Variants in CCNYL1 observed in about 807,000 individuals in gnomAD.
CCNYL1 encodes the protein cyclin Y like 1, also known as cyclin-Y-like protein 1.
CCNYL1 carries 16 observed loss-of-function variants against 44.2 expected under a neutral mutation model. The ratio of observed to expected loss-of-function variants is 0.36; its 90% confidence interval spans 0.25 to 0.55. The LOEUF (loss-of-function observed/expected upper bound fraction) is 0.55. Ranked by LOEUF, CCNYL1 falls within the 20% of genes least tolerant of loss-of-function variation. CCNYL1 has a pLI of 0.85. For synonymous variants in CCNYL1, 159 were observed against 163.2 expected (o/e 0.97, Z 0.20); for missense variants, 348 against 451.8 (o/e 0.77, Z 2.08).
chr2:207,714,927 T>G (rs2091581778), intron 1 of CCNYL1: 1 of 152,300 alleles, frequency 6.6e-6, no homozygotes, highest in African/African-American at 2.4e-5. Flanking sequence ...TATCTTTATT[T>G]CAGACAATTT....
At chr2:207,728,765 G>A (rs182061774) in intron 3 of CCNYL1, among the ~76,000 whole-genome samples, 113 of 152,214 alleles carry the variant, frequency 7.4e-4, no homozygotes, top group Non-Finnish European at 8.8e-4. Context: ...CTGAGATCCT[G>A]AAATTGCTTA....
chr2:207,719,829 A>G (rs1467788985), intron 1 of CCNYL1, among the ~76,000 whole-genome samples: 1 of 151,716 alleles, frequency 6.6e-6, no homozygotes, highest in African/African-American at 2.4e-5. Context: ...CCTGGGCTCA[A>G]GTGATCCTCT....
chr2:207,724,980 A>C lies in CCNYL1; in HGVS notation c.295+106A>C, dbSNP rs2091669207. The C allele has an allele frequency of 3.4e-6, 3 of 875,828 alleles. No individual in the cohort carries two copies. In the East Asian group the frequency reaches 8.3e-5, roughly 24 times the overall value. The allele number at this position is 875,828 out of a possible 1,614,324, so 54.3% of individuals were successfully genotyped here. ...TAGAAGAACTGATGTATTAGTTTAA[A>C]ATTTTCTTTTCATATGTTCACTGAT... On this transcript the variant is annotated intron_variant, in intron 2 of 9. Coordinates refer to ENST00000295414, the MANE Select transcript of CCNYL1 (RefSeq NM_001330218.2).
intron 1 of CCNYL1, among the ~76,000 whole-genome samples, chr2:207,716,702 A>G (rs2091598386): frequency 6.6e-6 from 1 of 152,162 alleles, no homozygotes; most frequent in African/African-American, 2.4e-5. Context: ...ATTACATTTG[A>G]TTTCAAGGGT....
At chr2:207,742,480 C>T (rs141187768) in intron 7 of CCNYL1, 138 bp downstream of exon 7, 269 of 747,952 alleles carry the variant, frequency 3.6e-4, no homozygotes, top group African/African-American at 2.7e-3. Flanking sequence ...AACATAAATA[C>T]GTACATTCGC....
intron 1 of CCNYL1, among the ~76,000 whole-genome samples, chr2:207,715,991 A>T (rs1179224944): frequency 6.6e-6 from 1 of 152,144 alleles, no homozygotes; most frequent in East Asian, 1.9e-4. Context: ...AAGCTAAGAG[A>T]TGCTCCTAAG....
At chr2:207,741,676 C>A (rs1474451398) in intron 6 of CCNYL1, among the ~76,000 whole-genome samples, 1 of 151,770 alleles carries the variant, frequency 6.6e-6, no homozygotes, top group African/African-American at 2.4e-5. Context: ...GAAACCCTGC[C>A]TCTGTTAAAA....
rs1476736207 is a variant in CCNYL1 at position 207,742,196 on chromosome 2, C to T, written c.520-27C>T. 2.0e-6 allele frequency: 3 copies of T among 1,518,244 alleles called. No homozygotes were observed. In the East Asian group the frequency reaches 7.0e-5, roughly 36 times the overall value. The allele number at this position is 1,518,244 out of a possible 1,614,324, so 94.0% of individuals were successfully genotyped here. On this transcript the variant is annotated intron_variant, in intron 6 of 9. Coordinates refer to ENST00000295414, the MANE Select transcript of CCNYL1 (RefSeq NM_001330218.2). ...TTAAAATTTTTTTCTTCAGTGGATA[C>T]TAACATTGCATCTTTTCTTCTTTCA...
intron 9 of CCNYL1, among the ~76,000 whole-genome samples, chr2:207,751,798 G>A (rs1399328706): frequency 1.3e-5 from 2 of 151,254 alleles, no homozygotes; most frequent in Admixed American, 6.6e-5. Flanking sequence ...AGGTTGTGGT[G>A]AGCTGAAATC....
Position 207,711,853 on chromosome 2 carries a change from A to AG in CCNYL1, c.-39dup, listed in dbSNP as rs1377418625. The AG allele has an allele frequency of 1.2e-5, 15 of 1,304,070 alleles. No individual in the cohort carries two copies. The highest frequency in any genetic ancestry group is 1.9e-5 in the South Asian group (1 of 52,254). 80.8% of individuals were successfully genotyped at this position (1,304,070 alleles called of 1,614,324 possible). A position where few individuals can be genotyped will look rare whatever the true frequency, so the allele number is the denominator to read the frequency against. On this transcript the variant is annotated 5_prime_UTR_variant, in exon 1 of 10. Transcript: ENST00000295414. Reference sequence around the variant, plus strand: ...GGGCGGCTGTTGAGGGCGGCGGAGTAGGGGGCGAGCGAAGGCGGTGGCAGA... The same window carrying AG: ...GGGCGGCTGTTGAGGGCGGCGGAGTAGGGGGGCGAGCGAAGGCGGTGGCAGA...
intron 1 of CCNYL1, among the ~76,000 whole-genome samples, chr2:207,717,374 C>G (rs981407426): frequency 7.2e-5 from 11 of 152,084 alleles, no homozygotes; most frequent in African/African-American, 2.7e-4. Context: ...TGTGCTGAAA[C>G]AGATGTTTAT....
intron 3 of CCNYL1, among the ~76,000 whole-genome samples, chr2:207,730,723 A>G (rs2091720223): frequency 1.3e-5 from 2 of 152,172 alleles, no homozygotes; most frequent in Admixed American, 1.3e-4. Context: ...GCACCACTGC[A>G]CTCCAGCCTG....
At chr2:207,753,430 G>A (rs1399049387) in intron 9 of CCNYL1, among the ~76,000 whole-genome samples, 158 bp from the exon 10 acceptor site, 1 of 152,328 alleles carries the variant, frequency 6.6e-6, no homozygotes, top group Middle Eastern at 3.4e-3. Context: ...TCAGGAAGTA[G>A]TGTCCCCACA....
At chr2:207,715,595 G>C (rs1430691269) in intron 1 of CCNYL1, among the ~76,000 whole-genome samples, 1 of 151,234 alleles carries the variant, frequency 6.6e-6, no homozygotes. Context: ...GGCCAGGCTG[G>C]TCTCGAACTC....
rs143928220 is a variant in CCNYL1, at chr2:207,731,323, C to G, written c.331-2624C>G. ...TACCTTTAAGGTTTCAGTTGTGACT[C>G]AGTAGATTACTAAGTATGATTATTT... On this transcript the variant is annotated intron_variant, in intron 3 of 9. Transcript: ENST00000295414. Among the ~76,000 whole-genome samples the G allele has an allele frequency of 4.9e-3, 751 of 152,268 alleles. 2 individuals are homozygous for G. The highest frequency in any genetic ancestry group is 7.3e-3 in the Non-Finnish European group (498 of 68,020).
At chr2:207,725,553 G>A (rs537002121) in intron 2 of CCNYL1, among the ~76,000 whole-genome samples, 129 of 152,332 alleles carry the variant, frequency 8.5e-4, no homozygotes, top group African/African-American at 3.1e-3. Context: ...CAAAAAATCA[G>A]TTCGTATACA....
intron 3 of CCNYL1, among the ~76,000 whole-genome samples, chr2:207,731,662 G>A (rs2091727367): frequency 6.6e-6 from 1 of 152,110 alleles, no homozygotes; most frequent in African/African-American, 2.4e-5. Flanking sequence ...CCTGTTGCCA[G>A]CTATAATTGC....
At chr2:207,747,294 T>G (rs2091861161) in intron 8 of CCNYL1, 81 bp downstream of exon 8, 3 of 1,253,044 alleles carry the variant, frequency 2.4e-6, no homozygotes, top group Non-Finnish European at 3.3e-6. Flanking sequence ...TAAGGAATAT[T>G]TTTAAAGGTT....
At chr2:207,745,459 T>TTA (rs2091847772) in intron 7 of CCNYL1, among the ~76,000 whole-genome samples, 1 of 152,208 alleles carries the variant, frequency 6.6e-6, no homozygotes. Context: ...CCCTGTGGTC[T>TTA]AATTATTCCC....
Sources: allele counts gnomAD v4.1 joint callset (sites outside exome capture counted in the v4.1 genomes callset), GRCh38; gene constraint gnomAD v4.1.1; transcripts MANE v1.5; gene names NCBI Gene and HGNC (gene_info 2026-07-23, HGNC 2026-07-21).